Variants in SRC observed in about 807,000 individuals in gnomAD.
SRC encodes the protein SRC proto-oncogene, non-receptor tyrosine kinase, also known as proto-oncogene tyrosine-protein kinase Src.
A neutral mutation model predicts 62.9 loss-of-function variants in SRC; 13 were observed. The observed-to-expected ratio is 0.21, with a 90% confidence interval of 0.13 to 0.33. The LOEUF (loss-of-function observed/expected upper bound fraction) is 0.33. Ranked by LOEUF, SRC falls within the 10% of genes least tolerant of loss-of-function variation. SRC has a pLI of 1.00. For missense variants in SRC, 457 were observed against 737.3 expected (o/e 0.62, Z 4.40); for synonymous variants, 302 against 317.5 (o/e 0.95, Z 0.52).
In SRC at chr20:37,400,270, A is replaced by G; in HGVS notation, c.1015A>G (p.Ile339Val). 13 of 1,613,510 alleles carry G rather than the reference A, an allele frequency of 8.1e-6. No individual in the cohort carries two copies. Among genetic ancestry groups the G allele is most frequent in the Non-Finnish European group, 1.0e-5 (12 of 1,179,662 alleles). ...YAVVSEEPIY[I>V]VTEYMSKGSL... ...TGTGGTTTCAGAGGAGCCCATTTAC[A>G]TCGTCACGGAGTACATGAGCAAGGG... The change falls in exon 10 of 14, where the codon ATC becomes GTC. Residue 339 changes from isoleucine to valine, a missense_variant. By Grantham distance (29) the Ile-to-Val change is conservative (BLOSUM62 3). Coordinates refer to ENST00000373578, the MANE Select transcript of SRC (RefSeq NM_198291.3).
Position 37,403,620 on chromosome 20 carries a change from C to T in SRC, c.*241C>T, listed in dbSNP as rs372970254. On this transcript the variant is annotated 3_prime_UTR_variant, in exon 14 of 14. Transcript: ENST00000373578. This position sits in a 1 kb window ranked among gnomAD's most constrained non-coding sequence, Gnocchi z 7.1. ...CTGTCCAGCTCCCGCTGTGGCCGCACGCCTCTCCCTGCACTCCCTCCTGGA... is the reference window on the plus strand; with the variant it reads ...CTGTCCAGCTCCCGCTGTGGCCGCATGCCTCTCCCTGCACTCCCTCCTGGA... The T allele has an allele frequency of 1.1e-4, 60 of 556,648 alleles. No homozygotes were observed. The highest frequency in any genetic ancestry group is 1.3e-4 in the Non-Finnish European group (41 of 310,090). 34.5% of individuals were successfully genotyped at this position (556,648 alleles called of 1,614,324 possible).
At chr20:37,357,720 C>T (rs552682348) in intron 1 of SRC, among the ~76,000 whole-genome samples, 1 of 152,284 alleles carries the variant, frequency 6.6e-6, no homozygotes, top group South Asian at 2.1e-4. Context: ...GGCTTTGGAG[C>T]TGAGACTTGG....
chr20:37,382,901 G>C (rs1291405147), intron 3 of SRC, 115 bp downstream of exon 3: 2 of 152,426 alleles, frequency 1.3e-5, no homozygotes, highest in East Asian at 3.9e-4. Context: ...AGAGGGTGGT[G>C]GCAGGACTGT....
chr20:37,363,384 GGCACCCTGGTCCGCCTGCGCCTCT>G (rs1403672128), intron 1 of SRC, among the ~76,000 whole-genome samples: 2 of 152,258 alleles, frequency 1.3e-5, no homozygotes, highest in East Asian at 3.9e-4. Flanking sequence ...CTGCCCACCT[GGCACCCTGGTCCGCCTGCGCCTCT>G]GCACCCAGGC....
intron 2 of SRC, among the ~76,000 whole-genome samples, chr20:37,369,565 A>G (rs1165991841): frequency 6.6e-6 from 1 of 152,094 alleles, no homozygotes; most frequent in Admixed American, 6.6e-5. Flanking sequence ...TATATATAAG[A>G]TCATATTATC....
rs538314046 is a variant in SRC, at chr20:37,405,372, G to T, written c.*1993G>T. On this transcript the variant is annotated 3_prime_UTR_variant, in exon 14 of 14. Coordinates refer to ENST00000373578, the MANE Select transcript of SRC (RefSeq NM_198291.3). ...GGTGGGGGGGTATCCAGAATTGGTTGTAAATACTTTGCATATTGTCTGATT... is the reference window on the plus strand; with the variant it reads ...GGTGGGGGGGTATCCAGAATTGGTTTTAAATACTTTGCATATTGTCTGATT... The T allele has an allele frequency of 2.7e-4, 60 of 218,760 alleles. No homozygotes were observed. The highest frequency in any genetic ancestry group is 1.2e-3 in the African/African-American group (54 of 44,506). The allele number at this position is 218,760 out of a possible 1,614,324, so 13.6% of individuals were successfully genotyped here.
chr20:37,384,390 G>T lies in SRC; in HGVS notation c.237G>T (p.Ala79=), dbSNP rs2070414711. ...SSDTVTSPQR[A]GPLAGGVTTF... The stretch of plus-strand genomic sequence containing the variant: ...ACACCGTCACCTCCCCGCAGAGGGC[G>T]GGCCCGCTGGCCGGTCAGTGCGCGG... The change falls in exon 4 of 14, where the codon GCG becomes GCT. Residue 79 remains alanine (A), a synonymous_variant. Transcript: ENST00000373578. The surrounding 1 kb of genome is among the most constrained non-coding windows in gnomAD (Gnocchi z 6.7). The T allele has an allele frequency of 1.4e-6, 2 of 1,429,954 alleles. No individual in the cohort carries two copies. The highest frequency in any genetic ancestry group is 6.3e-5 in the East Asian group (2 of 31,916). 88.6% of individuals were successfully genotyped at this position (1,429,954 alleles called of 1,614,324 possible). A position where few individuals can be genotyped will look rare whatever the true frequency, so the allele number is the denominator to read the frequency against.
intron 2 of SRC, among the ~76,000 whole-genome samples, chr20:37,368,518 C>CTTTTCTTTTTTTTT (rs2070101278): frequency 1.4e-5 from 1 of 73,898 alleles, no homozygotes; most frequent in African/African-American, 4.3e-5. Context: ...CCTATATTTT[C>CTTTTCTTTTTTTTT]TTTTTTTTTT....
At position 37,384,340 on chromosome 20, in the gene SRC, C is replaced by T. The variant is rs2070413559; in HGVS notation, c.187C>T (p.Leu63=). 3.4e-6 allele frequency: 5 copies of T among 1,467,492 alleles called. No homozygotes were observed. Among genetic ancestry groups the T allele is most frequent in the Non-Finnish European group, 4.5e-6 (5 of 1,114,828 alleles). The allele number at this position is 1,467,492 out of a possible 1,614,324, so 90.9% of individuals were successfully genotyped here. A position where few individuals can be genotyped will look rare whatever the true frequency, so the allele number is the denominator to read the frequency against. The change falls in exon 4 of 14, where the codon CTG becomes TTG. Residue 63 remains leucine, a synonymous_variant. Coordinates refer to ENST00000373578, the MANE Select transcript of SRC (RefSeq NM_198291.3). The surrounding 1 kb of genome is among the most constrained non-coding windows in gnomAD (Gnocchi z 6.7). The stretch of plus-strand genomic sequence containing the variant: ...CGCCCCCGCGGCCGCCGAGCCCAAG[C>T]TGTTCGGAGGCTTCAACTCCTCGGA... ...AFAPAAAEPK[L]FGGFNSSDTV...
Position 37,402,296 on chromosome 20 carries a change from C to G in SRC, c.1117-139C>G. The G allele has an allele frequency of 1.9e-6, 2 of 1,029,732 alleles. No individual in the cohort carries two copies. Among genetic ancestry groups the G allele is most frequent in the Non-Finnish European group, 2.8e-6 (2 of 706,812 alleles). The allele number at this position is 1,029,732 out of a possible 1,614,324, so 63.8% of individuals were successfully genotyped here. A position where few individuals can be genotyped will look rare whatever the true frequency, so the allele number is the denominator to read the frequency against. ...CTGCTTTCGATGCCAACAGCATTTA[C>G]TGTGAACTGACCTCACTTGCCTGAA... On this transcript the variant is annotated intron_variant, in intron 11 of 13. Coordinates refer to ENST00000373578, the MANE Select transcript of SRC (RefSeq NM_198291.3). This position sits in a 1 kb window ranked among gnomAD's most constrained non-coding sequence, Gnocchi z 6.2.
At position 37,397,868 on chromosome 20, in the gene SRC, C is replaced by T. The variant is rs745893228; in HGVS notation, c.859+14C>T. On this transcript the variant is annotated intron_variant, in intron 9 of 13. Transcript: ENST00000373578. The surrounding 1 kb of genome is among the most constrained non-coding windows in gnomAD (Gnocchi z 4.1). ...AGGTGTGGATGGGTAAGGCCTGGCC[C>T]CTGCCCTCGGGAGAGGCATCCACCC... The T allele has an allele frequency of 5.6e-5, 90 of 1,602,980 alleles. 1 individual carries two copies. In the South Asian group the frequency reaches 9.2e-4, roughly 16 times the overall value.
In SRC at chr20:37,368,530, T is replaced by TTTTTTTTTTTTTTG. The variant is rs1568625218; in HGVS notation, c.-173+3267_-173+3280dup. Among the ~76,000 whole-genome samples the TTTTTTTTTTTTTTG allele has an allele frequency of 2.5e-5, 3 of 121,050 alleles. No homozygotes were observed. In the East Asian group the frequency reaches 8.9e-4, roughly 36 times the overall value. The allele number at this position is 121,050 out of a possible 152,430, so 79.4% of individuals were successfully genotyped here. A position where few individuals can be genotyped will look rare whatever the true frequency, so the allele number is the denominator to read the frequency against. ...ATGCCTATATTTTCTTTTTTTTTTT[T>TTTTTTTTTTTTTTG]TTTTTTTTTTTTTGTTTTTTTTTTT... On this transcript the variant is annotated intron_variant, in intron 2 of 13. Coordinates refer to ENST00000373578, the MANE Select transcript of SRC (RefSeq NM_198291.3).
Position 37,404,189 on chromosome 20 carries a change from G to A in SRC, c.*810G>A, listed in dbSNP as rs2070788255. On this transcript the variant is annotated 3_prime_UTR_variant, in exon 14 of 14. Coordinates refer to ENST00000373578, the MANE Select transcript of SRC (RefSeq NM_198291.3). The stretch of plus-strand genomic sequence containing the variant: ...GAGGCATCATGGAAAGACTGGGACA[G>A]CCCAGGAAACAAGGGGTCTGAGGAT... 4.3e-6 allele frequency: 1 copy of A among 233,636 alleles called. No individual in the cohort carries two copies. Among genetic ancestry groups the A allele is most frequent in the Non-Finnish European group, 8.5e-6 (1 of 118,096 alleles). The allele number at this position is 233,636 out of a possible 1,614,324, so 14.5% of individuals were successfully genotyped here.
At chr20:37,369,090 G>C (rs922876185) in intron 2 of SRC, among the ~76,000 whole-genome samples, 2 of 152,164 alleles carry the variant, frequency 1.3e-5, no homozygotes, top group Non-Finnish European at 2.9e-5. Flanking sequence ...TGCTGTTACT[G>C]TTGTTTTACA....
chr20:37,384,263 C>G lies in SRC; in HGVS notation c.110C>G (p.Thr37Ser). 2.6e-6 allele frequency: 4 copies of G among 1,557,722 alleles called. No homozygotes were observed. Among genetic ancestry groups the G allele is most frequent in the Non-Finnish European group, 3.4e-6 (4 of 1,161,194 alleles). The change falls in exon 4 of 14, where the codon ACC becomes AGC. Residue 37 changes from threonine to serine, a missense_variant. This residue lies in a region of SRC where 132 missense variants were observed against 135.4 expected (regional missense o/e 0.98). Coordinates refer to ENST00000373578, the MANE Select transcript of SRC (RefSeq NM_198291.3). The surrounding 1 kb of genome is among the most constrained non-coding windows in gnomAD (Gnocchi z 6.7). ...AGGGAFPASQ[T>S]PSKPASADGH... is the part of the protein sequence containing the mutation. Reference sequence around the variant, plus strand: ...GGGGGCGCTTTCCCCGCCTCGCAGACCCCCAGCAAGCCAGCCTCGGCCGAC... The same window carrying G: ...GGGGGCGCTTTCCCCGCCTCGCAGAGCCCCAGCAAGCCAGCCTCGGCCGAC...
Position 37,403,216 on chromosome 20 carries a change from G to A in SRC, c.1448G>A (p.Arg483Gln), listed in dbSNP as rs753395244. ...EVLDQVERGY[R>Q]MPCPPECPES... is the part of the protein sequence containing the mutation. ...CTGGACCAGGTGGAGCGGGGCTACC[G>A]GATGCCCTGCCCGCCGGAGTGTCCC... Residue 483 changes from arginine to glutamine, a missense_variant, in exon 14 of 14, where the codon CGG becomes CAG. Arg to Gln is a conservative substitution (Grantham distance 43, BLOSUM62 1). Transcript: ENST00000373578. This position sits in a 1 kb window ranked among gnomAD's most constrained non-coding sequence, Gnocchi z 7.1. The A allele has an allele frequency of 1.0e-5, 16 of 1,571,084 alleles. No homozygotes were observed. Among genetic ancestry groups the A allele is most frequent in the Non-Finnish European group, 1.1e-5 (13 of 1,161,382 alleles).
chr20:37,394,654 T>C (rs2070610685), intron 7 of SRC, among the ~76,000 whole-genome samples: 1 of 152,034 alleles, frequency 6.6e-6, no homozygotes, highest in Admixed American at 6.6e-5. Flanking sequence ...GGAGGCTGGT[T>C]TTGCCCTCCC....
At chr20:37,379,942 T>TAAA (rs57772720) in intron 2 of SRC, among the ~76,000 whole-genome samples, 3 of 51,450 alleles carry the variant, frequency 5.8e-5, no homozygotes, top group Non-Finnish European at 8.4e-5. Context: ...GAGCTTGGAG[T>TAAA]AAAAAAAAAA....
At chr20:37,345,726 G>A (rs1296778054), upstream of SRC, among the ~76,000 whole-genome samples, 1 of 152,202 alleles carries the variant, frequency 6.6e-6, no homozygotes, top group Admixed American at 6.5e-5. Flanking sequence ...GCTTAGCATG[G>A]CGCCTGGCCC....
Sources: allele counts gnomAD v4.1 joint callset (sites outside exome capture counted in the v4.1 genomes callset), GRCh38; gene constraint gnomAD v4.1.1; regional missense constraint gnomAD v4.1.1; non-coding constraint Gnocchi (gnomAD v3.1); transcripts MANE v1.5; gene names NCBI Gene and HGNC (gene_info 2026-07-23, HGNC 2026-07-21).